Variants in EGFLAM observed in about 807,000 individuals in gnomAD.
EGFLAM encodes the protein EGF like, fibronectin type III and laminin G domains.
In EGFLAM, 79 loss-of-function variants were observed where a neutral mutation model predicts 113.1. That is an observed-to-expected ratio of 0.70 (90% confidence interval 0.58 to 0.84). The LOEUF is 0.84. Among genes scored for constraint, EGFLAM ranks in the 40% least tolerant of loss-of-function variants. The pLI, the probability that EGFLAM is intolerant of heterozygous loss-of-function variation, is 0.00. For missense variants in EGFLAM, 1,265 were observed against 1,291.6 expected (o/e 0.98, Z 0.32); for synonymous variants, 504 against 487.6 (o/e 1.03, Z -0.44).
chr5:38,338,810 C>T lies in EGFLAM; in HGVS notation c.291+29C>T, dbSNP rs1055500686. 1.9e-6 allele frequency: 3 copies of T among 1,596,306 alleles called. No homozygotes were observed. The Admixed American group carries it at 5.0e-5, about 27-fold the overall frequency. The stretch of plus-strand genomic sequence containing the variant: ...AGTCTTTCCATCCTGGCAGCCCACT[C>T]AAAAGCATGTGGGCACTATTCGGGC... On this transcript the variant is annotated intron_variant, in intron 3 of 21. Transcript: ENST00000322350.
chr5:38,364,670 G>A lies in EGFLAM; in HGVS notation c.546-5626G>A, dbSNP rs565698357. Among the ~76,000 whole-genome samples, 6 of 152,272 alleles carry A rather than the reference G, an allele frequency of 3.9e-5. No homozygotes were observed. The East Asian group carries it at 1.2e-3, about 29-fold the overall frequency. The stretch of plus-strand genomic sequence containing the variant: ...ATCGTGCAGACATCTCAAGGAACAC[G>A]TAGATGAAGAAGACAAAGTCACCAT... On this transcript the variant is annotated intron_variant, in intron 5 of 21. Transcript: ENST00000322350.
At chr5:38,438,037 G>A (rs994647924) in intron 16 of EGFLAM, among the ~76,000 whole-genome samples, 7 of 149,392 alleles carry the variant, frequency 4.7e-5, no homozygotes, top group Non-Finnish European at 7.4e-5. Flanking sequence ...CAGGAGAATT[G>A]CTTGAACCCA....
chr5:38,340,146 T>G (rs547689111), intron 3 of EGFLAM, among the ~76,000 whole-genome samples: 187 of 152,278 alleles, frequency 1.2e-3, no homozygotes, highest in African/African-American at 4.3e-3. Flanking sequence ...GGGCTGAATA[T>G]TGGCATCTCT....
chr5:38,440,614 C>T (rs983587552), intron 17 of EGFLAM, among the ~76,000 whole-genome samples: 4 of 152,140 alleles, frequency 2.6e-5, no homozygotes, highest in Admixed American at 2.6e-4. Flanking sequence ...TGGTGAGAAG[C>T]CATCCTTGGT....
At chr5:38,293,773 C>CT (rs1292437290) in intron 1 of EGFLAM, among the ~76,000 whole-genome samples, 1 of 152,138 alleles carries the variant, frequency 6.6e-6, no homozygotes. Flanking sequence ...ACACATATGA[C>CT]TTTCATGTTG....
intron 3 of EGFLAM, among the ~76,000 whole-genome samples, chr5:38,350,232 T>C (rs918264428): frequency 3.9e-5 from 6 of 152,184 alleles, no homozygotes; most frequent in Non-Finnish European, 7.3e-5. Context: ...AGTTCTGATG[T>C]TCACAGTAAC....
Position 38,407,117 on chromosome 5 carries a change from T to C in EGFLAM, c.1118T>C (p.Leu373Pro), listed in dbSNP as rs927550420. The change falls in exon 8 of 22, where the codon CTG becomes CCG. Residue 373 changes from leucine (L) to proline (P), a missense_variant. Physicochemically the swap from Leu to Pro is moderately conservative, Grantham distance 98. Transcript: ENST00000322350. Reference protein sequence around the residue: ...TWGGSRCQCTLGKGGESCSED... With the variant: ...TWGGSRCQCTPGKGGESCSED... ...GGGGGCTCGCGATGCCAGTGCACCC[T>C]GGGCAAAGGTGGTGAGAGCTGCTCA... 1.2e-6 allele frequency: 2 copies of C among 1,613,804 alleles called. No individual in the cohort carries two copies. Among genetic ancestry groups the C allele is most frequent in the Non-Finnish European group, 1.7e-6 (2 of 1,180,032 alleles).
At chr5:38,293,774 T>C (rs923684209) in intron 1 of EGFLAM, among the ~76,000 whole-genome samples, 3 of 152,222 alleles carry the variant, frequency 2.0e-5, no homozygotes, top group Non-Finnish European at 2.9e-5. Context: ...CACATATGAC[T>C]TTCATGTTGG....
At chr5:38,410,676 T>C (rs1368987230) in intron 10 of EGFLAM, among the ~76,000 whole-genome samples, 1 of 152,186 alleles carries the variant, frequency 6.6e-6, no homozygotes, top group Non-Finnish European at 1.5e-5. Flanking sequence ...TGGGCACTCC[T>C]GGGCCATAGG....
At chr5:38,412,288 T>C (rs1396360223) in intron 10 of EGFLAM, among the ~76,000 whole-genome samples, 1 of 152,144 alleles carries the variant, frequency 6.6e-6, no homozygotes, top group African/African-American at 2.4e-5. Context: ...AAAGGTCCTA[T>C]GGGCAGATGA....
chr5:38,270,884 A>C (rs1305087956), intron 1 of EGFLAM, among the ~76,000 whole-genome samples: 1 of 152,214 alleles, frequency 6.6e-6, no homozygotes, highest in Non-Finnish European at 1.5e-5. Context: ...AGAGTGGTAG[A>C]GATGTTAACT....
chr5:38,312,496 T>A (rs1302976529), intron 1 of EGFLAM, among the ~76,000 whole-genome samples: 4 of 152,122 alleles, frequency 2.6e-5, no homozygotes. Context: ...CGCCTCGGCC[T>A]CCCAAAGTCC....
chr5:38,458,519 C>A, intron 20 of EGFLAM, 125 bp downstream of exon 20: 2 of 836,192 alleles, frequency 2.4e-6, no homozygotes, highest in Non-Finnish European at 3.6e-6. Context: ...TACCCCTGAT[C>A]CAGGGCATTC....
rs1037220064 is a variant in EGFLAM, at chr5:38,465,104, T to G, written c.*1118T>G. The stretch of plus-strand genomic sequence containing the variant: ...CCAATGGACACTAATACAATCAGTG[T>G]TCCCAAGGCTGTGCAGGGGTGGGGG... On this transcript the variant is annotated 3_prime_UTR_variant, in exon 22 of 22. Transcript: ENST00000322350. 2 of 152,300 alleles carry G rather than the reference T, an allele frequency of 1.3e-5. No individual in the cohort carries two copies. Among genetic ancestry groups the G allele is most frequent in the African/African-American group, 4.8e-5 (2 of 41,452 alleles). 9.4% of individuals were successfully genotyped at this position (152,300 alleles called of 1,614,324 possible). A position where few individuals can be genotyped will look rare whatever the true frequency, so the allele number is the denominator to read the frequency against.
chr5:38,402,960 C>T (rs1741163121), intron 6 of EGFLAM, among the ~76,000 whole-genome samples: 1 of 152,136 alleles, frequency 6.6e-6, no homozygotes, highest in African/African-American at 2.4e-5. Context: ...ATAAGGTGCA[C>T]AGGGCAAGGA....
intron 1 of EGFLAM, among the ~76,000 whole-genome samples, chr5:38,297,642 C>T (rs937929192): frequency 6.6e-6 from 1 of 152,144 alleles, no homozygotes; most frequent in Non-Finnish European, 1.5e-5. Flanking sequence ...ACTTGCTTGA[C>T]CCTGAGCCTG....
intron 16 of EGFLAM, among the ~76,000 whole-genome samples, chr5:38,436,136 C>G (rs1371356491): frequency 6.6e-6 from 1 of 152,100 alleles, no homozygotes; most frequent in African/African-American, 2.4e-5. Flanking sequence ...TATTCCTTCT[C>G]TTGGGGCTGC....
intron 15 of EGFLAM, 134 bp from the exon 16 acceptor site, chr5:38,435,003 T>C: frequency 1.5e-6 from 1 of 682,304 alleles, no homozygotes; most frequent in Middle Eastern, 2.7e-4. Flanking sequence ...AGCCCTTGTG[T>C]AGACAGATTG....
chr5:38,304,015 G>C (rs913805787), intron 1 of EGFLAM, among the ~76,000 whole-genome samples: 1 of 151,902 alleles, frequency 6.6e-6, no homozygotes, highest in African/African-American at 2.4e-5. Context: ...TGTAATCCCA[G>C]CTACTCAGGA....
Sources: gnomAD v4.1 joint callset for allele counts (sites outside exome capture counted in the v4.1 genomes callset) on GRCh38, gnomAD v4.1.1 for gene constraint, MANE v1.5 for transcripts, NCBI Gene and HGNC (gene_info 2026-07-23, HGNC 2026-07-21) for gene names.